KIRREL3: variants seen among roughly 807,000 people sequenced by gnomAD.
KIRREL3 encodes kin of IRRE-like protein 3.
A neutral mutation model predicts 89.7 loss-of-function variants in KIRREL3; 36 were observed. The ratio of observed to expected loss-of-function variants is 0.40; its 90% CI spans 0.31 to 0.53. The LOEUF (loss-of-function observed/expected upper bound fraction) is 0.53. KIRREL3 is among the 20% of genes least tolerant of loss of function. The pLI is 0.49. For missense variants in KIRREL3, 864 were observed against 1,056.6 expected, an observed-to-expected ratio of 0.82 and a Z score of 2.53; for synonymous variants, 445 against 441.4, an observed-to-expected ratio of 1.01 and a Z score of -0.10.
At position 126,764,069 on chromosome 11, in the gene KIRREL3, C is replaced by T. The variant is rs919968997; in HGVS notation, c.56-201157G>A. 6.6e-6 allele frequency among the ~76,000 whole-genome samples: 1 copy of T among 152,126 alleles called. No individual in the cohort carries two copies. Among genetic ancestry groups the T allele is most frequent in the Non-Finnish European group, 1.5e-5 (1 of 68,034 alleles). ...CAGATGCCCAGTGATATTTCAGAAG[C>T]TCTAATTAAGTGGAAGATTATGCAT... On this transcript the variant is annotated intron_variant, in intron 1 of 16. Coordinates refer to ENST00000525144, the MANE Select transcript of KIRREL3 (RefSeq NM_032531.4). The surrounding 1 kb of genome is among the most constrained non-coding windows in gnomAD (Gnocchi z 4.2).
Position 126,996,930 on chromosome 11 carries a change from CAG to C in KIRREL3, c.55+3523_55+3524del, listed in dbSNP as rs1950194147. Among the ~76,000 whole-genome samples, 1 of 152,162 alleles carries C rather than the reference CAG, an allele frequency of 6.6e-6. No individual in the cohort carries two copies. Among genetic ancestry groups the C allele is most frequent in the Admixed American group, 6.5e-5 (1 of 15,280 alleles). ...CTCTAGGAATGCCAGAGCAAAATGC[CAG>C]AGAGTAGGGAAGAGACCACCTTTCT... On this transcript the variant is annotated intron_variant, in intron 1 of 16. Coordinates refer to ENST00000525144, the MANE Select transcript of KIRREL3 (RefSeq NM_032531.4). The surrounding 1 kb of genome is among the most constrained non-coding windows in gnomAD (Gnocchi z 4.7).
intron 1 of KIRREL3, among the ~76,000 whole-genome samples, chr11:126,790,702 G>C (rs1377036371): frequency 2.6e-5 from 4 of 152,174 alleles, no homozygotes; most frequent in Admixed American, 6.5e-5. Context: ...TGAGTCAGAG[G>C]AAAGAGTGAT....
At chr11:126,774,923 T>G (rs2134310200) in intron 1 of KIRREL3, among the ~76,000 whole-genome samples, 1 of 152,304 alleles carries the variant, frequency 6.6e-6, no homozygotes, top group South Asian at 2.1e-4. Flanking sequence ...GTAACAAGTC[T>G]TGGACATTGC....
At chr11:126,945,335 G>C (rs56300747) in intron 1 of KIRREL3, among the ~76,000 whole-genome samples, 214 of 152,192 alleles carry the variant, frequency 1.4e-3, no homozygotes, top group Non-Finnish European at 2.6e-3. Flanking sequence ...GACAGGCTGT[G>C]GGGGGCAGAG....
At chr11:126,933,777 A>C (rs1326700236) in intron 1 of KIRREL3, among the ~76,000 whole-genome samples, 3 of 38,236 alleles carry the variant, frequency 7.8e-5, no homozygotes, top group Non-Finnish European at 1.4e-4. Context: ...CCCACCAAAA[A>C]GGAAAAAAAA....
Position 126,898,500 on chromosome 11 carries a change from G to T in KIRREL3, c.55+101955C>A, listed in dbSNP as rs1592308817. Among the ~76,000 whole-genome samples the T allele has an allele frequency of 6.6e-6, 1 of 152,214 alleles. No homozygotes were observed. Among genetic ancestry groups the T allele is most frequent in the South Asian group, 2.1e-4 (1 of 4,830 alleles). On this transcript the variant is annotated intron_variant, in intron 1 of 16. Transcript: ENST00000525144. The surrounding 1 kb of genome is among the most constrained non-coding windows in gnomAD (Gnocchi z 4.9). ...AACAGAATGGATAATGAAATTTTGT[G>T]AATGCAGCAATTAGAAACAATGAAG...
rs376008009 is a variant in KIRREL3 at position 126,484,894 on chromosome 11, C to A, written c.434-11428G>T. On this transcript the variant is annotated intron_variant, in intron 4 of 16. Transcript: ENST00000525144. This position sits in a 1 kb window ranked among gnomAD's most constrained non-coding sequence, Gnocchi z 5.2. Reference sequence around the variant, plus strand: ...GCAATGGCACAATGTAGGCTCACTGCAGCCTCCGCCTCCCAGGTTCAAGCG... The same window carrying A: ...GCAATGGCACAATGTAGGCTCACTGAAGCCTCCGCCTCCCAGGTTCAAGCG... Among the ~76,000 whole-genome samples the A allele has an allele frequency of 5.9e-5, 9 of 151,764 alleles. No homozygotes were observed. Among genetic ancestry groups the A allele is most frequent in the African/African-American group, 1.9e-4 (8 of 41,368 alleles).
intron 7 of KIRREL3, among the ~76,000 whole-genome samples, chr11:126,453,537 T>C (rs1956249788): frequency 6.6e-6 from 1 of 152,238 alleles, no homozygotes; most frequent in Non-Finnish European, 1.5e-5. Context: ...AATGTACTTA[T>C]GTGATGAGAT....
chr11:126,569,597 G>A lies in KIRREL3; in HGVS notation c.56-6685C>T, dbSNP rs1379907474. Among the ~76,000 whole-genome samples the A allele has an allele frequency of 2.0e-5, 3 of 152,286 alleles. No homozygotes were observed. The South Asian group carries it at 6.2e-4, about 32-fold the overall frequency. Reference sequence around the variant, plus strand: ...TATACAAGACATATACTTAAGAAAAGGTAACTAAAAGTCAGAGACAGGTAA... The same window carrying A: ...TATACAAGACATATACTTAAGAAAAAGTAACTAAAAGTCAGAGACAGGTAA... On this transcript the variant is annotated intron_variant, in intron 1 of 16. Coordinates refer to ENST00000525144, the MANE Select transcript of KIRREL3 (RefSeq NM_032531.4). The surrounding 1 kb of genome is among the most constrained non-coding windows in gnomAD (Gnocchi z 6.5).
intron 1 of KIRREL3, among the ~76,000 whole-genome samples, chr11:126,619,663 A>G (rs148113513): frequency 6.6e-6 from 1 of 152,266 alleles, no homozygotes; most frequent in African/African-American, 2.4e-5. Context: ...GGCATTGGCC[A>G]GGGTGCACTG....
rs1358188977 is a variant in KIRREL3, at chr11:126,925,013, G to A, written c.55+75442C>T. Among the ~76,000 whole-genome samples the A allele has an allele frequency of 2.7e-5, 4 of 148,320 alleles. 1 individual carries two copies. In the South Asian group the frequency reaches 8.6e-4, roughly 32 times the overall value. ...ACAGTCCTAGGAGTTATGCCCTTAGGGCAAAGGGAAAAGGGGTGCTCACAC... is the reference window on the plus strand; with the variant it reads ...ACAGTCCTAGGAGTTATGCCCTTAGAGCAAAGGGAAAAGGGGTGCTCACAC... On this transcript the variant is annotated intron_variant, in intron 1 of 16. Transcript: ENST00000525144.
intron 1 of KIRREL3, among the ~76,000 whole-genome samples, chr11:126,848,751 C>T (rs1222527818): frequency 1.3e-5 from 2 of 152,208 alleles, no homozygotes; most frequent in African/African-American, 4.8e-5. Flanking sequence ...GCTTATCACT[C>T]TTCCAGATAT....
rs779857526 is a variant in KIRREL3, at chr11:126,431,479, C to T, written c.1636G>A (p.Val546Met). 1.2e-6 allele frequency: 2 copies of T among 1,614,058 alleles called. No individual in the cohort carries two copies. The highest frequency in any genetic ancestry group is 1.7e-6 in the Non-Finnish European group (2 of 1,179,914). ...GTTGCCATAAGGACGAGGAAGGCCA[C>T]ACCAGCTCCTACGGCCACCCCAATG... is the stretch of plus-strand genomic sequence containing the variant. ...VIIGVAVGAG[V>M]AFLVLMATIV... is the part of the protein sequence containing the mutation. Residue 546 changes from valine to methionine, a missense_variant, in exon 14 of 17, where the codon GTG (valine) becomes ATG (methionine). Coordinates refer to ENST00000525144, the MANE Select transcript of KIRREL3 (RefSeq NM_032531.4). This position sits in a 1 kb window ranked among gnomAD's most constrained non-coding sequence, Gnocchi z 7.1.
At chr11:126,464,955 C>G (rs142362331) in intron 5 of KIRREL3, among the ~76,000 whole-genome samples, 2 of 152,190 alleles carry the variant, frequency 1.3e-5, no homozygotes, top group African/African-American at 4.8e-5. Context: ...AATGTCATTC[C>G]GAAGCTAGTT....
At position 126,970,349 on chromosome 11, in the gene KIRREL3, A is replaced by C. The variant is rs1203479824; in HGVS notation, c.55+30106T>G. ...TCTCTCTCACATTATCTTGTTTATG[A>C]AACACTGCTCTTTATTAAACACTAC... On this transcript the variant is annotated intron_variant, in intron 1 of 16. Transcript: ENST00000525144. This position sits in a 1 kb window ranked among gnomAD's most constrained non-coding sequence, Gnocchi z 4.4. Among the ~76,000 whole-genome samples, 2 of 152,154 alleles carry C rather than the reference A, an allele frequency of 1.3e-5. No individual in the cohort carries two copies. Among genetic ancestry groups the C allele is most frequent in the Non-Finnish European group, 1.5e-5 (1 of 68,026 alleles).
intron 1 of KIRREL3, among the ~76,000 whole-genome samples, chr11:126,638,349 C>T (rs773482151): frequency 4.6e-5 from 7 of 152,186 alleles, no homozygotes; most frequent in Non-Finnish European, 7.3e-5. Flanking sequence ...GTTGGAAAAA[C>T]GTACTTGTCT....
chr11:126,706,305 C>A (rs1947526355), intron 1 of KIRREL3, among the ~76,000 whole-genome samples: 1 of 152,120 alleles, frequency 6.6e-6, no homozygotes, highest in Non-Finnish European at 1.5e-5. Context: ...ATTGGCTATA[C>A]CATTTTCTTT....
intron 1 of KIRREL3, among the ~76,000 whole-genome samples, chr11:126,674,949 G>A (rs151163225): frequency 2.0e-5 from 3 of 152,260 alleles, no homozygotes; most frequent in Non-Finnish European, 2.9e-5. Context: ...GGTGCACCTC[G>A]TGTTAACCAA....
rs1193114232 is a variant in KIRREL3 at position 126,903,630 on chromosome 11, C to T, written c.55+96825G>A. Among the ~76,000 whole-genome samples, 1 of 152,208 alleles carries T rather than the reference C, an allele frequency of 6.6e-6. No individual in the cohort carries two copies. Among genetic ancestry groups the T allele is most frequent in the East Asian group, 1.9e-4 (1 of 5,196 alleles). On this transcript the variant is annotated intron_variant, in intron 1 of 16. Transcript: ENST00000525144. The surrounding 1 kb of genome is among the most constrained non-coding windows in gnomAD (Gnocchi z 4.5). ...AAACAAAAAAGCTGTAGCCTCTTTG[C>T]TGAGCTCCTGGAGACATTTGGTCTA...
Sources: gnomAD v4.1 joint callset for allele counts (sites outside exome capture counted in the v4.1 genomes callset) on GRCh38, gnomAD v4.1.1 for gene constraint, Gnocchi (gnomAD v3.1) non-coding constraint, MANE v1.5 for transcripts, NCBI Gene and HGNC (gene_info 2026-07-23, HGNC 2026-07-21) for gene names.